CPNE4: variants seen among roughly 807,000 people sequenced by gnomAD.
The protein encoded by CPNE4 is copine 4.
In CPNE4, 25 loss-of-function variants were observed where a neutral mutation model predicts 67.9. That is an observed-to-expected ratio of 0.37 (90% CI 0.27 to 0.51). The LOEUF (loss-of-function observed/expected upper bound fraction) is 0.51, where lower values mean the gene tolerates loss of function less well. CPNE4 is among the 20% of genes least tolerant of loss of function. CPNE4 has a pLI of 0.93. For synonymous variants in CPNE4, 242 were observed against 244.9 expected, an observed-to-expected ratio of 0.99 and a Z score of 0.11; for missense variants, 464 against 690.8, an observed-to-expected ratio of 0.67 and a Z score of 3.68.
At chr3:131,563,347 T>C (rs776714815) in intron 11 of CPNE4, among the ~76,000 whole-genome samples, 57 of 152,076 alleles carry the variant, frequency 3.7e-4, no homozygotes, top group Non-Finnish European at 7.2e-4. Flanking sequence ...CACATATTTA[T>C]ATTTACATTG....
At chr3:131,654,954 A>G (rs761096171) in intron 7 of CPNE4, among the ~76,000 whole-genome samples, 1 of 152,350 alleles carries the variant, frequency 6.6e-6, no homozygotes, top group South Asian at 2.1e-4. Context: ...AACTATTGAG[A>G]GATGACTCCA....
chr3:131,797,121 T>C (rs1414468694), intron 2 of CPNE4, among the ~76,000 whole-genome samples: 1 of 152,200 alleles, frequency 6.6e-6, no homozygotes, highest in Non-Finnish European at 1.5e-5. Context: ...AATTCTAGAT[T>C]GAGATGCTGG....
intron 7 of CPNE4, among the ~76,000 whole-genome samples, chr3:131,667,706 A>G (rs143719833): frequency 9.3e-5 from 14 of 150,822 alleles, no homozygotes; most frequent in African/African-American, 2.9e-4. Context: ...TCAATCAATC[A>G]TCTATTTCCT....
chr3:131,792,648 T>TAC (rs1358302114), intron 2 of CPNE4, among the ~76,000 whole-genome samples: 22 of 37,810 alleles, frequency 5.8e-4, no homozygotes, highest in Admixed American at 1.1e-3. Context: ...TGTATATATG[T>TAC]ATATATACAC....
chr3:131,885,957 G>T (rs1276327603), intron 2 of CPNE4, among the ~76,000 whole-genome samples: 1 of 152,194 alleles, frequency 6.6e-6, no homozygotes, highest in Non-Finnish European at 1.5e-5. Flanking sequence ...CAATAGAAAA[G>T]AAAATCCCAT....
chr3:131,556,114 C>A (rs897952851), intron 11 of CPNE4, among the ~76,000 whole-genome samples: 1 of 152,066 alleles, frequency 6.6e-6, no homozygotes, highest in Non-Finnish European at 1.5e-5. Context: ...TGGCTCACTC[C>A]TGTAATCCCA....
chr3:131,989,539 G>A (rs1286978964), intron 1 of CPNE4, among the ~76,000 whole-genome samples: 1 of 152,160 alleles, frequency 6.6e-6, no homozygotes, highest in Non-Finnish European at 1.5e-5. Context: ...TCATGGTGCT[G>A]TATTCTACCA....
intron 2 of CPNE4, among the ~76,000 whole-genome samples, chr3:131,762,532 C>A (rs1359308705): frequency 2.0e-5 from 3 of 151,846 alleles, no homozygotes; most frequent in African/African-American, 7.3e-5. Flanking sequence ...CTGTATACCG[C>A]ATATCATTCT....
chr3:131,998,311 T>C (rs1456853637), intron 1 of CPNE4, among the ~76,000 whole-genome samples: 1 of 152,140 alleles, frequency 6.6e-6, no homozygotes, highest in Non-Finnish European at 1.5e-5. Context: ...AACTATCCTG[T>C]AAGGTAAGGG....
chr3:131,961,809 C>T (rs144304826), intron 1 of CPNE4, among the ~76,000 whole-genome samples: 35 of 152,256 alleles, frequency 2.3e-4, no homozygotes, highest in African/African-American at 8.4e-4. Context: ...GGTGACATCA[C>T]CAAGAGTCAC....
chr3:131,790,510 T>C (rs768630550), intron 2 of CPNE4, among the ~76,000 whole-genome samples: 4 of 152,030 alleles, frequency 2.6e-5, no homozygotes, highest in African/African-American at 7.2e-5. Context: ...AATTTAAATT[T>C]CTCTATACAG....
At chr3:131,670,095 G>C (rs1356268771) in intron 6 of CPNE4, among the ~76,000 whole-genome samples, 2 of 152,296 alleles carry the variant, frequency 1.3e-5, no homozygotes, top group East Asian at 1.9e-4. Flanking sequence ...CATTGATAGA[G>C]AATTCTCAGT....
intron 2 of CPNE4, among the ~76,000 whole-genome samples, chr3:131,865,354 T>C (rs908328164): frequency 1.3e-5 from 2 of 152,144 alleles, no homozygotes; most frequent in Non-Finnish European, 2.9e-5. Context: ...TTTTGGTTGG[T>C]AATAAGCTCT....
rs140957122 is a variant in CPNE4, at chr3:131,602,432, G to A, written c.682-14850C>T. On this transcript the variant is annotated intron_variant, in intron 7 of 15. Transcript: ENST00000429747. The stretch of plus-strand genomic sequence containing the variant: ...GACTAAGAAATGCCCAGGAGGAGAT[G>A]GAAGGGCAATGGGTATGTTGGCTTT... Among the ~76,000 whole-genome samples the A allele has an allele frequency of 1.6e-3, 241 of 152,286 alleles. 2 individuals are homozygous for A. The highest frequency in any genetic ancestry group is 4.6e-3 in the South Asian group (22 of 4,818).
intron 2 of CPNE4, among the ~76,000 whole-genome samples, chr3:131,860,232 A>G (rs184505433): frequency 8.0e-4 from 122 of 152,358 alleles, no homozygotes; most frequent in African/African-American, 2.9e-3. Flanking sequence ...TGGTCACAGT[A>G]AAAAGCTAAT....
At chr3:131,718,754 C>T (rs1211059616) in intron 3 of CPNE4, among the ~76,000 whole-genome samples, 1 of 152,216 alleles carries the variant, frequency 6.6e-6, no homozygotes, top group African/African-American at 2.4e-5. Context: ...ATAAGCTTTT[C>T]TGAGGCAGGG....
At chr3:132,027,008 T>C (rs916079192) in intron 1 of CPNE4, among the ~76,000 whole-genome samples, 3 of 152,258 alleles carry the variant, frequency 2.0e-5, no homozygotes, top group Admixed American at 6.5e-5. Context: ...TTTGTCTTTA[T>C]CAAACTGCAT....
At chr3:131,855,578 T>G (rs938635243) in intron 2 of CPNE4, among the ~76,000 whole-genome samples, 1 of 152,122 alleles carries the variant, frequency 6.6e-6, no homozygotes, top group Middle Eastern at 3.4e-3. Flanking sequence ...CTTGAATTGG[T>G]TTAGAACACA....
intron 2 of CPNE4, among the ~76,000 whole-genome samples, chr3:131,748,955 T>C (rs2082557837): frequency 6.6e-6 from 1 of 152,190 alleles, no homozygotes; most frequent in African/African-American, 2.4e-5. Flanking sequence ...ATTTTTAATT[T>C]TGTTTATTTT....
Sources: gnomAD v4.1 joint callset for allele counts (sites outside exome capture counted in the v4.1 genomes callset) on GRCh38, gnomAD v4.1.1 for gene constraint, MANE v1.5 for transcripts, NCBI Gene and HGNC (gene_info 2026-07-23, HGNC 2026-07-21) for gene names.